Variants in ERAP1 observed in about 807,000 individuals in gnomAD.
ERAP1 encodes adipocyte-derived leucine aminopeptidase.
ERAP1 carries 86 observed loss-of-function variants against 103.7 expected under a neutral mutation model. That is an observed-to-expected ratio of 0.83 (90% CI 0.70 to 0.99). ERAP1 has a LOEUF of 0.99. Ranked by LOEUF, ERAP1 falls within the 50% of genes least tolerant of loss-of-function variation. ERAP1 has a pLI of 0.00. For missense variants in ERAP1, 1,009 were observed against 1,128.4 expected, an observed-to-expected ratio of 0.89 and a Z score of 1.52; for synonymous variants, 398 against 402.4, an observed-to-expected ratio of 0.99 and a Z score of 0.13.
the ERAP1 span, among the ~76,000 whole-genome samples, chr5:96,857,843 C>G: frequency 6.6e-6 from 1 of 152,192 alleles, no homozygotes; most frequent in African/African-American, 2.4e-5. Flanking sequence ...GCTTTTCTAA[C>G]TCTGACTGAG....
chr5:96,912,920 T>C, the ERAP1 span: 1 of 743,924 alleles, frequency 1.3e-6, no homozygotes, highest in Non-Finnish European at 2.1e-6. Flanking sequence ...TGTATGGCTT[T>C]AACTTTACTT....
upstream of ERAP1, among the ~76,000 whole-genome samples, chr5:96,810,434 T>C (rs1204589666): frequency 1.3e-5 from 2 of 152,200 alleles, no homozygotes; most frequent in Non-Finnish European, 1.5e-5. Context: ...TATAATTTGA[T>C]CTCTTCAGCA....
intron 3 of ERAP1, among the ~76,000 whole-genome samples, chr5:96,798,582 T>A (rs1288037741): frequency 4.0e-5 from 1 of 24,722 alleles, no homozygotes; most frequent in African/African-American, 1.3e-4. Context: ...TGACCTCATC[T>A]TTTTTTTTTG....
At chr5:96,762,439 C>A in exon 20 of ERAP1, 1 of 1,176,554 alleles carries the variant, frequency 8.5e-7, no homozygotes, top group Non-Finnish European at 1.2e-6. Flanking sequence ...GAAAATAGGG[C>A]GCCTGTTTAA....
At chr5:96,935,383 T>A in the ERAP1 span, 1 of 152,358 alleles carries the variant, frequency 6.6e-6, no homozygotes, top group Non-Finnish European at 1.5e-5. Flanking sequence ...ACCGCCCTCC[T>A]GAGGCACTCT....
At position 96,775,407 on chromosome 5, in the gene ERAP1, A is replaced by C. The variant is rs1196243291; in HGVS notation, c.*989T>G. 2 of 985,402 alleles carry C rather than the reference A, an allele frequency of 2.0e-6. No homozygotes were observed. Among genetic ancestry groups the C allele is most frequent in the Non-Finnish European group, 2.4e-6 (2 of 829,894 alleles). 61.0% of individuals were successfully genotyped at this position (985,402 alleles called of 1,614,324 possible). ...CAATAACTAGTTAGTTAGAAATTGT[A>C]AAGTAGGCCAAATAAGAAGCAGAGA... On this transcript the variant is annotated 3_prime_UTR_variant, in exon 19 of 19. Transcript: ENST00000443439.
chr5:96,886,767 G>A, the ERAP1 span: 2 of 1,515,312 alleles, frequency 1.3e-6, no homozygotes, highest in Non-Finnish European at 1.8e-6. Context: ...TCTCTGAGTG[G>A]CTTCACTTCA....
intron 18 of ERAP1, among the ~76,000 whole-genome samples, chr5:96,778,041 G>A (rs1311650775): frequency 1.3e-5 from 2 of 152,240 alleles, no homozygotes; most frequent in Non-Finnish European, 2.9e-5. Flanking sequence ...ATGAAGAGCA[G>A]TGGTGAAGGA....
chr5:96,854,902 G>C, the ERAP1 span, among the ~76,000 whole-genome samples: 1 of 152,104 alleles, frequency 6.6e-6, no homozygotes, highest in African/African-American at 2.4e-5. Flanking sequence ...TTTAACATGA[G>C]AGAAATATCT....
Position 96,798,249 on chromosome 5 carries a change from C to T in ERAP1, c.664-940G>A, listed in dbSNP as rs183041996. ...CTGAGGCAGGAGAATGGCATGAACC[C>T]GGAAGGCAGAGCTTGCAGTGAGCCG... On this transcript the variant is annotated intron_variant, in intron 3 of 18. Transcript: ENST00000443439. Among the ~76,000 whole-genome samples the T allele has an allele frequency of 3.9e-3, 558 of 141,716 alleles. 11 individuals are homozygous for T. The highest frequency in any genetic ancestry group is 0.036 in the East Asian group (173 of 4,858). 93.0% of individuals were successfully genotyped at this position (141,716 alleles called of 152,430 possible). A position where few individuals can be genotyped will look rare whatever the true frequency, so the allele number is the denominator to read the frequency against.
chr5:96,780,603 G>T, intron 17 of ERAP1, 99 bp from the exon 18 acceptor site: 1 of 935,224 alleles, frequency 1.1e-6, no homozygotes, highest in Non-Finnish European at 1.7e-6. Flanking sequence ...GCTAAAAACT[G>T]ATCGGTGTGA....
upstream of ERAP1, among the ~76,000 whole-genome samples, chr5:96,811,260 T>C (rs1269044280): frequency 2.0e-5 from 3 of 152,142 alleles, no homozygotes; most frequent in Non-Finnish European, 4.4e-5. Context: ...ACAGATGCCA[T>C]GTTAAAGACT....
chr5:96,851,003 G>A, the ERAP1 span, among the ~76,000 whole-genome samples: 1 of 152,122 alleles, frequency 6.6e-6, no homozygotes, highest in Non-Finnish European at 1.5e-5. Context: ...GGGGGAGTTA[G>A]AAAATATTTT....
exon 20 of ERAP1, chr5:96,762,589 CAT>C: frequency 2.2e-6 from 1 of 454,224 alleles, no homozygotes; most frequent in Non-Finnish European, 3.9e-6. Context: ...ACATTGTACA[CAT>C]AGTCAAGGAC....
At chr5:96,875,612 A>C in the ERAP1 span, among the ~76,000 whole-genome samples, 1 of 152,168 alleles carries the variant, frequency 6.6e-6, no homozygotes, top group Non-Finnish European at 1.5e-5. Context: ...AATCAAAGTA[A>C]CTAACTATAT....
At chr5:96,791,943 G>C (rs1776774141) in intron 8 of ERAP1, 118 bp downstream of exon 8, 3 of 1,086,312 alleles carry the variant, frequency 2.8e-6, no homozygotes, top group Non-Finnish European at 4.2e-6. Flanking sequence ...GCCAGCACGT[G>C]TCAAGAGAGA....
chr5:96,867,156 G>A, the ERAP1 span, among the ~76,000 whole-genome samples: 2 of 151,612 alleles, frequency 1.3e-5, no homozygotes, highest in South Asian at 2.1e-4. Flanking sequence ...ATAGGCACCC[G>A]CCACCATGCC....
upstream of ERAP1, among the ~76,000 whole-genome samples, chr5:96,812,230 C>A (rs188442482): frequency 7.2e-5 from 11 of 152,290 alleles, no homozygotes; most frequent in Admixed American, 3.9e-4. Flanking sequence ...AATGAAATTT[C>A]TTTAAAATGC....
In ERAP1 at chr5:96,792,152, A is replaced by T. The variant is rs573281746; in HGVS notation, c.1229T>A (p.Val410Glu). 1.2e-6 allele frequency: 2 copies of T among 1,613,832 alleles called. No individual in the cohort carries two copies. Among genetic ancestry groups the T allele is most frequent in the South Asian group, 2.2e-5 (2 of 91,076 alleles). The change falls in exon 8 of 19, where the codon GTA becomes GAA. Residue 410 changes from valine to glutamate, a missense_variant. Transcript: ENST00000443439. Reference protein sequence around the residue: ...FFGKCFDAMEVDALNSSHPVS... With the variant: ...FFGKCFDAMEEDALNSSHPVS... ...AGGGTGTGAGGAATTTAAAGCATCTACCTCCATTGCGTCAAAACATTTGCC... is the reference window on the plus strand; with the variant it reads ...AGGGTGTGAGGAATTTAAAGCATCTTCCTCCATTGCGTCAAAACATTTGCC...
Sources: gnomAD v4.1 joint callset for allele counts (sites outside exome capture counted in the v4.1 genomes callset) on GRCh38, gnomAD v4.1.1 for gene constraint, MANE v1.5 for transcripts, NCBI Gene and HGNC (gene_info 2026-07-23, HGNC 2026-07-21) for gene names.